The following MAGI2 variants were observed in gnomAD, a reference collection of about 807,000 sequenced individuals.
MAGI2 encodes the protein membrane-associated guanylate kinase, WW and PDZ domain-containing protein 2.
MAGI2 carries 35 observed loss-of-function variants against 133.3 expected under a neutral mutation model. The ratio of observed to expected loss-of-function variants is 0.26; its 90% CI spans 0.20 to 0.35. The LOEUF (loss-of-function observed/expected upper bound fraction) is 0.35, where lower values mean the gene tolerates loss of function less well. Among genes scored for constraint, MAGI2 ranks in the 10% least tolerant of loss-of-function variants. The pLI is 1.00. For missense variants in MAGI2, 1,636 were observed against 1,863.4 expected, an observed-to-expected ratio of 0.88 and a Z score of 2.25; for synonymous variants, 729 against 710.6, an observed-to-expected ratio of 1.03 and a Z score of -0.41.
At chr7:79,051,157 C>A (rs1192973249) in intron 1 of MAGI2, among the ~76,000 whole-genome samples, 1 of 152,146 alleles carries the variant, frequency 6.6e-6, no homozygotes, top group Non-Finnish European at 1.5e-5. Flanking sequence ...TATTGAGATA[C>A]CTGGTCATAG....
chr7:78,647,636 C>T (rs1216598022), intron 2 of MAGI2, among the ~76,000 whole-genome samples: 1 of 152,152 alleles, frequency 6.6e-6, no homozygotes, highest in Non-Finnish European at 1.5e-5. Flanking sequence ...CCAGCAATCC[C>T]ATTACTGGGT....
chr7:78,397,469 G>A (rs967552338), intron 6 of MAGI2, among the ~76,000 whole-genome samples: 3 of 151,672 alleles, frequency 2.0e-5, no homozygotes, highest in African/African-American at 7.3e-5. Flanking sequence ...TCATGTGACA[G>A]GTTTCTAGGC....
chr7:78,597,235 T>C (rs1330450735), intron 3 of MAGI2, among the ~76,000 whole-genome samples: 4 of 152,100 alleles, frequency 2.6e-5, no homozygotes, highest in African/African-American at 9.7e-5. Context: ...TAGCACTGAG[T>C]TATTTCTGAG....
At chr7:78,696,223 C>T (rs1250777695) in intron 2 of MAGI2, among the ~76,000 whole-genome samples, 5 of 152,180 alleles carry the variant, frequency 3.3e-5, no homozygotes, top group Non-Finnish European at 5.9e-5. Context: ...CAGGCATGAA[C>T]CACTGCACCT....
intron 21 of MAGI2, among the ~76,000 whole-genome samples, chr7:78,037,470 C>T (rs943537950): frequency 2.0e-5 from 3 of 152,150 alleles, no homozygotes; most frequent in African/African-American, 4.8e-5. Flanking sequence ...TTTATTTCTG[C>T]GAACAGTCCC....
intron 2 of MAGI2, among the ~76,000 whole-genome samples, chr7:78,958,525 C>T (rs1802586999): frequency 6.6e-6 from 1 of 152,090 alleles, no homozygotes; most frequent in Non-Finnish European, 1.5e-5. Flanking sequence ...TATTTTTAGA[C>T]ATTATACCAG....
chr7:78,835,119 TA>T (rs1791502861), intron 2 of MAGI2, among the ~76,000 whole-genome samples: 1 of 152,200 alleles, frequency 6.6e-6, no homozygotes. Context: ...CTAGGTCATA[TA>T]GTAACTCTAT....
At chr7:78,548,556 G>A (rs763909102) in intron 3 of MAGI2, among the ~76,000 whole-genome samples, 6 of 152,052 alleles carry the variant, frequency 3.9e-5, no homozygotes, top group African/African-American at 7.2e-5. Context: ...TTGGCCGGGC[G>A]TGGTGGTGCA....
chr7:78,494,864 C>T (rs1197464587), intron 5 of MAGI2, among the ~76,000 whole-genome samples: 2 of 152,278 alleles, frequency 1.3e-5, no homozygotes, highest in Middle Eastern at 3.4e-3. Flanking sequence ...CAATCTTAAA[C>T]TGATAGTTAA....
chr7:79,283,741 T>C (rs1290402164), intron 1 of MAGI2, among the ~76,000 whole-genome samples: 1 of 152,128 alleles, frequency 6.6e-6, no homozygotes, highest in African/African-American at 2.4e-5. Context: ...TCTTATTATC[T>C]ATTAATACAT....
chr7:78,750,127 C>T (rs1018655377), intron 2 of MAGI2, among the ~76,000 whole-genome samples: 3 of 152,106 alleles, frequency 2.0e-5, no homozygotes, highest in Non-Finnish European at 4.4e-5. Flanking sequence ...TGAGAATATG[C>T]AGTGTTTGGT....
At chr7:78,165,130 A>G (rs569917737) in intron 15 of MAGI2, among the ~76,000 whole-genome samples, 1 of 152,344 alleles carries the variant, frequency 6.6e-6, no homozygotes, top group Non-Finnish European at 1.5e-5. Context: ...GCACTACCCG[A>G]TAGCCTCTTC....
At chr7:79,179,128 C>CAT (rs1233156243) in intron 1 of MAGI2, among the ~76,000 whole-genome samples, 1 of 151,882 alleles carries the variant, frequency 6.6e-6, no homozygotes, top group Non-Finnish European at 1.5e-5. Flanking sequence ...AAATGCACCA[C>CAT]ATATATATAT....
intron 1 of MAGI2, among the ~76,000 whole-genome samples, chr7:79,198,112 G>A (rs1013771592): frequency 7.9e-5 from 12 of 151,852 alleles, no homozygotes; most frequent in Non-Finnish European, 1.5e-5. Context: ...AATTAGCTGG[G>A]CAAAGTGGTG....
At chr7:78,512,891 T>A (rs1215427201) in intron 4 of MAGI2, among the ~76,000 whole-genome samples, 1 of 152,148 alleles carries the variant, frequency 6.6e-6, no homozygotes, top group East Asian at 1.9e-4. Flanking sequence ...GGAAAACATT[T>A]CCTAAAACTA....
At chr7:78,520,989 TCTA>T (rs1226949587) in intron 4 of MAGI2, among the ~76,000 whole-genome samples, 3 of 152,286 alleles carry the variant, frequency 2.0e-5, no homozygotes, top group Admixed American at 2.0e-4. Flanking sequence ...TGACATAACC[TCTA>T]CTGAGAGAAG....
At chr7:78,093,595 G>A (rs1288892284) in intron 20 of MAGI2, among the ~76,000 whole-genome samples, 1 of 152,186 alleles carries the variant, frequency 6.6e-6, no homozygotes, top group Admixed American at 6.5e-5. Flanking sequence ...GATATAAGAG[G>A]CGCCCTCCAT....
At chr7:79,318,416 T>C (rs1330979793) in intron 1 of MAGI2, among the ~76,000 whole-genome samples, 1 of 152,174 alleles carries the variant, frequency 6.6e-6, no homozygotes, top group East Asian at 1.9e-4. Context: ...ACAATGTAAG[T>C]TGATTGATAG....
chr7:79,043,542 CAAAAAAAAAAA>C (rs58828466), intron 1 of MAGI2, among the ~76,000 whole-genome samples: 1 of 40,430 alleles, frequency 2.5e-5, no homozygotes, highest in Non-Finnish European at 4.6e-5. Context: ...GACTCCATCA[CAAAAAAAAAAA>C]AAAAAAAAAA....
Sources: gnomAD v4.1 joint callset for allele counts (sites outside exome capture counted in the v4.1 genomes callset) on GRCh38, gnomAD v4.1.1 for gene constraint, MANE v1.5 for transcripts, NCBI Gene and HGNC (gene_info 2026-07-23, HGNC 2026-07-21) for gene names.